The following XRCC1 variants were observed in gnomAD, a reference collection of about 807,000 sequenced individuals.
XRCC1 encodes DNA repair protein XRCC1.
A neutral mutation model predicts 83.3 loss-of-function variants in XRCC1; 52 were observed. That is an observed-to-expected ratio of 0.62 (90% confidence interval 0.50 to 0.79). XRCC1 has a LOEUF of 0.79. Among genes scored for constraint, XRCC1 ranks in the 30% least tolerant of loss-of-function variants. The pLI, the probability that XRCC1 is intolerant of heterozygous loss-of-function variation, is 0.00. For synonymous variants in XRCC1, 281 were observed against 312.6 expected (o/e 0.90, Z 1.07); for missense variants, 793 against 823.5 (o/e 0.96, Z 0.45).
chr19:43,562,157 A>C (rs1337712462), intron 2 of XRCC1, among the ~76,000 whole-genome samples: 7 of 151,440 alleles, frequency 4.6e-5, no homozygotes, highest in African/African-American at 1.5e-4. Flanking sequence ...AAAAAAAAAA[A>C]AAAAAAAACC....
intron 2 of XRCC1, 62 bp from the exon 3 acceptor site, chr19:43,561,082 C>T: frequency 7.5e-7 from 1 of 1,326,124 alleles, no homozygotes; most frequent in Non-Finnish European, 1.1e-6. Context: ...ACTGTGGGAC[C>T]TCAGGATGAA....
chr19:43,562,278 C>T (rs192901488), intron 2 of XRCC1, among the ~76,000 whole-genome samples: 2 of 152,214 alleles, frequency 1.3e-5, no homozygotes, highest in Admixed American at 1.3e-4. Context: ...CTGCACACTG[C>T]TATCAACAGG....
intron 2 of XRCC1, among the ~76,000 whole-genome samples, chr19:43,573,750 C>T (rs1972827115): frequency 6.6e-6 from 1 of 152,074 alleles, no homozygotes; most frequent in Non-Finnish European, 1.5e-5. Flanking sequence ...TGGTGCACAC[C>T]TGCAGTCCCA....
intron 14 of XRCC1, among the ~76,000 whole-genome samples, chr19:43,545,058 G>A (rs897638608): frequency 1.3e-5 from 2 of 152,108 alleles, no homozygotes; most frequent in East Asian, 3.9e-4. Flanking sequence ...GACCTTTGGG[G>A]TGGCTCCTTC....
Position 43,546,046 on chromosome 19 carries a change from C to A in XRCC1, c.1481+6G>T, listed in dbSNP as rs1972505723. 1 of 1,613,582 alleles carries A rather than the reference C, an allele frequency of 6.2e-7. No individual in the cohort carries two copies. The highest frequency in any genetic ancestry group is 8.5e-7 in the Non-Finnish European group (1 of 1,179,782). The stretch of plus-strand genomic sequence containing the variant: ...GGGACACCCCAACCCCCAGCCCCAG[C>A]CCTACCTCCTCAGCTCATCCTCTGT... On this transcript the variant is annotated splice_donor_region_variant and intron_variant, in intron 13 of 16. Coordinates refer to ENST00000262887, the MANE Select transcript of XRCC1 (RefSeq NM_006297.3).
chr19:43,544,836 G>A (rs1431646158), intron 14 of XRCC1, among the ~76,000 whole-genome samples: 3 of 138,398 alleles, frequency 2.2e-5, no homozygotes, highest in Non-Finnish European at 4.9e-5. Flanking sequence ...TTGTAAAGGC[G>A]GGGGTCGGGG....
chr19:43,554,750 T>A lies in XRCC1; in HGVS notation c.310A>T (p.Asn104Tyr). ...MSPSESRSGS[N>Y]PNRVRMFGPD... The stretch of plus-strand genomic sequence containing the variant: ...CCAAACATGCGAACGCGGTTGGGGT[T>A]TGAGCCACTGCGGCTCTCGGAAGGG... The change falls in exon 4 of 17, where the codon AAC becomes TAC. Residue 104 changes from asparagine to tyrosine, a missense_variant. Physicochemically the swap from Asn to Tyr is moderately radical, Grantham distance 143 (BLOSUM62 -2). Transcript: ENST00000262887. 1.9e-6 allele frequency: 3 copies of A among 1,613,948 alleles called. No homozygotes were observed. The highest frequency in any genetic ancestry group is 2.5e-6 in the Non-Finnish European group (3 of 1,179,872).
At chr19:43,548,784 A>AAAAAAAAAAAAAAAAC (rs752610644) in intron 10 of XRCC1, among the ~76,000 whole-genome samples, 41 of 142,158 alleles carry the variant, frequency 2.9e-4, no homozygotes, top group East Asian at 1.1e-3. Context: ...AAAAAAAAAA[A>AAAAAAAAAAAAAAAAC]AACACAACAG....
At chr19:43,547,069 T>G in intron 10 of XRCC1, 92 bp from the exon 11 acceptor site, 1 of 1,223,460 alleles carries the variant, frequency 8.2e-7, no homozygotes, top group South Asian at 1.3e-5. Flanking sequence ...ACTAAAATAC[T>G]CACTCTAGTG....
intron 10 of XRCC1, among the ~76,000 whole-genome samples, chr19:43,550,915 T>C (rs1972567735): frequency 6.6e-6 from 1 of 152,174 alleles, no homozygotes; most frequent in Non-Finnish European, 1.5e-5. Context: ...GCTCAATGAC[T>C]GGATCCTCAG....
chr19:43,561,764 G>A (rs1245168757), intron 2 of XRCC1, among the ~76,000 whole-genome samples: 3 of 152,312 alleles, frequency 2.0e-5, no homozygotes, highest in East Asian at 1.9e-4. Flanking sequence ...AAAGCCGTGC[G>A]GGCCATGCGG....
Position 43,560,925 on chromosome 19 carries a change from C to G in XRCC1, c.240G>C (p.Gly80=). The G allele has an allele frequency of 1.2e-6, 2 of 1,614,108 alleles. No individual in the cohort carries two copies. Among genetic ancestry groups the G allele is most frequent in the Non-Finnish European group, 1.7e-6 (2 of 1,179,958 alleles). Residue 80 remains glycine (G), a synonymous_variant, in exon 3 of 17, where the codon GGG becomes GGC. Coordinates refer to ENST00000262887, the MANE Select transcript of XRCC1 (RefSeq NM_006297.3). Reference sequence around the variant, plus strand: ...CCCTGCTTACCTCATAGTCTTGCTCCCCAGCGCCTCCAGCTGAACTGCCCA... The same window carrying G: ...CCCTGCTTACCTCATAGTCTTGCTCGCCAGCGCCTCCAGCTGAACTGCCCA... ...VLVGSSAGGA[G]EQDYEVLLVT...
chr19:43,561,411 C>T (rs1313922480), intron 2 of XRCC1, among the ~76,000 whole-genome samples: 1 of 152,192 alleles, frequency 6.6e-6, no homozygotes, highest in Non-Finnish European at 1.5e-5. Context: ...GCAGAGGACT[C>T]CAGGAAACCT....
intron 8 of XRCC1, 110 bp from the exon 9 acceptor site, chr19:43,552,385 G>T: frequency 1.3e-6 from 1 of 792,206 alleles, no homozygotes. Context: ...CTCAGACCCA[G>T]CAATCCAGGC....
intron 12 of XRCC1, 28 bp from the exon 13 acceptor site, chr19:43,546,134 G>C (rs1325850046): frequency 6.2e-7 from 1 of 1,613,284 alleles, no homozygotes; most frequent in Non-Finnish European, 8.5e-7. Context: ...GTCAATGCAA[G>C]GCTGCCTTGT....
Position 43,544,204 on chromosome 19 carries a change from T to C in XRCC1, c.1652A>G (p.Tyr551Cys). 6.2e-7 allele frequency: 1 copy of C among 1,610,780 alleles called. No homozygotes were observed. The highest frequency in any genetic ancestry group is 8.5e-7 in the Non-Finnish European group (1 of 1,178,582). Residue 551 changes from tyrosine (Y) to cysteine (C), a missense_variant, in exon 15 of 17, where the codon TAC (tyrosine) becomes TGC (cysteine). Tyr to Cys is a radical substitution (Grantham distance 194). Coordinates refer to ENST00000262887, the MANE Select transcript of XRCC1 (RefSeq NM_006297.3). ...CCGCTCGTCCCCAGGGAACTCCCCGTAAAGAAAGAAGTGCTTGCCCTGGAA... is the reference window on the plus strand; with the variant it reads ...CCGCTCGTCCCCAGGGAACTCCCCGCAAAGAAAGAAGTGCTTGCCCTGGAA... ...DFFQGKHFFL[Y>C]GEFPGDERRK...
intron 3 of XRCC1, among the ~76,000 whole-genome samples, chr19:43,560,378 C>T (rs904464593): frequency 4.7e-5 from 7 of 148,050 alleles, no homozygotes; most frequent in African/African-American, 7.5e-5. Context: ...CCAGCCTGGG[C>T]GACAGAGCGA....
At position 43,552,199 on chromosome 19, in the gene XRCC1, T is replaced by C. The variant is rs3213366; in HGVS notation, c.900A>G (p.Arg300=). 6.6e-4 allele frequency: 1,073 copies of C among 1,613,920 alleles called. 9 individuals are homozygous for C. The African/African-American group carries it at 0.012, about 19-fold the overall frequency. ...RAQGAVTGKP[R]GEGTEPRRPR... is the part of the protein sequence containing the mutation. ...GTCGTCTGGGCTCGGTGCCTTCTCC[T>C]CGGGGTTTGCCTGTCACTGCCCCCT... The change falls in exon 9 of 17, where the codon CGA becomes CGG. Residue 300 remains arginine (R), a synonymous_variant. Transcript: ENST00000262887.
Position 43,551,556 on chromosome 19 carries a change from CGT to C in XRCC1, c.1199+13_1199+14del. The C allele has an allele frequency of 6.2e-7, 1 of 1,602,934 alleles. No homozygotes were observed. The highest frequency in any genetic ancestry group is 8.5e-7 in the Non-Finnish European group (1 of 1,169,980). ...AGCACAGGATAAGGAGCAGGGTTGG[CGT>C]GTGAGGCCTTACCTCTGGGAGGGCA... On this transcript the variant is annotated intron_variant, in intron 10 of 16. Transcript: ENST00000262887.
Sources: allele counts gnomAD v4.1 joint callset (sites outside exome capture counted in the v4.1 genomes callset), GRCh38; gene constraint gnomAD v4.1.1; transcripts MANE v1.5; gene names NCBI Gene and HGNC (gene_info 2026-07-23, HGNC 2026-07-21).